PLBD2: variants seen among roughly 807,000 people sequenced by gnomAD.
The protein encoded by PLBD2 is putative aminopeptidase PLBD2.
Under a neutral mutation model 68.3 loss-of-function variants are expected in PLBD2, and 51 were observed. The observed-to-expected ratio is 0.75, with a 90% CI of 0.60 to 0.94. The LOEUF (loss-of-function observed/expected upper bound fraction) is 0.94. Ranked by LOEUF, PLBD2 falls within the 40% of genes least tolerant of loss-of-function variation. The probability of loss-of-function intolerance (pLI) is 0.00; values close to 1 mark genes in which losing one functional copy is unlikely to be tolerated. For synonymous variants in PLBD2, 314 were observed against 339.3 expected, an observed-to-expected ratio of 0.93 and a Z score of 0.82; for missense variants, 729 against 792.2, an observed-to-expected ratio of 0.92 and a Z score of 0.96.
In PLBD2 at chr12:113,358,727, C is replaced by G; in HGVS notation, c.127C>G (p.Pro43Ala). ...CCTGAGCGGCCTGGCGGGGGCGATC[C>G]CAGCGCCGGGGGGCCGCTGGGCGCG... ...PFLSGLAGAIPAPGGRWARDG... is the reference protein window; with the variant it reads ...PFLSGLAGAIAAPGGRWARDG... The change falls in exon 1 of 12, where the codon CCA becomes GCA. Residue 43 changes from proline (P) to alanine (A), a missense_variant. Pro to Ala is a conservative substitution (Grantham distance 27, BLOSUM62 -1). Transcript: ENST00000280800. The G allele has an allele frequency of 7.2e-7, 1 of 1,392,556 alleles. No individual in the cohort carries two copies. Among genetic ancestry groups the G allele is most frequent in the Non-Finnish European group, 9.3e-7 (1 of 1,079,700 alleles). The allele number at this position is 1,392,556 out of a possible 1,614,324, so 86.3% of individuals were successfully genotyped here.
chr12:113,363,692 C>A (rs968394559), intron 1 of PLBD2, among the ~76,000 whole-genome samples: 1 of 151,970 alleles, frequency 6.6e-6, no homozygotes, highest in African/African-American at 2.4e-5. Context: ...TGCCCGCCCC[C>A]ACGCCCGGCT....
intron 6 of PLBD2, among the ~76,000 whole-genome samples, chr12:113,381,848 G>T (rs1298758060): frequency 6.6e-6 from 1 of 151,830 alleles, no homozygotes; most frequent in Admixed American, 6.6e-5. Flanking sequence ...TAGAGATAGG[G>T]TCTCTCTCTG....
intron 5 of PLBD2, 100 bp downstream of exon 5, chr12:113,375,107 A>G: frequency 9.4e-7 from 1 of 1,058,994 alleles, no homozygotes. Context: ...CTCCCAACAC[A>G]CGGAGTCACT....
At position 113,367,747 on chromosome 12, in the gene PLBD2, T is replaced by C. The variant is rs1212632865; in HGVS notation, c.291-1369T>C. Among the ~76,000 whole-genome samples, 5 of 102,076 alleles carry C rather than the reference T, an allele frequency of 4.9e-5. No homozygotes were observed. In the Admixed American group the frequency reaches 5.2e-4, roughly 11 times the overall value. The allele number at this position is 102,076 out of a possible 152,430, so 67.0% of individuals were successfully genotyped here. A position where few individuals can be genotyped will look rare whatever the true frequency, so the allele number is the denominator to read the frequency against. ...GCCTGGGTGACAGCAAGATGCTGTC[T>C]CAAAAAAAAAAAAAAAAAGAAAAAA... is the stretch of plus-strand genomic sequence containing the variant. On this transcript the variant is annotated intron_variant, in intron 1 of 11. Coordinates refer to ENST00000280800, the MANE Select transcript of PLBD2 (RefSeq NM_173542.4).
At chr12:113,366,885 C>T (rs1424918446) in intron 1 of PLBD2, among the ~76,000 whole-genome samples, 2 of 151,674 alleles carry the variant, frequency 1.3e-5, no homozygotes, top group Admixed American at 1.3e-4. Flanking sequence ...GCAGTGGTGC[C>T]ATTTTGCTCA....
At chr12:113,369,505 CA>C (rs1298328855) in intron 2 of PLBD2, among the ~76,000 whole-genome samples, 3 of 152,072 alleles carry the variant, frequency 2.0e-5, no homozygotes, top group Non-Finnish European at 4.4e-5. Flanking sequence ...ACTAGCTTAA[CA>C]AAAGTAAGGG....
intron 2 of PLBD2, among the ~76,000 whole-genome samples, chr12:113,371,151 T>A (rs1329175880): frequency 6.6e-6 from 1 of 152,196 alleles, no homozygotes; most frequent in African/African-American, 2.4e-5. Context: ...GATGGAGGCA[T>A]GCATTGGGTC....
Position 113,384,312 on chromosome 12 carries a change from AC to A in PLBD2, c.1118+49del, listed in dbSNP as rs752520874. ...TGGCTTCCCCTGCACCAAGAGATAG[AC>A]CAACCTCCCCTTTAACACTCACACT... is the stretch of plus-strand genomic sequence containing the variant. On this transcript the variant is annotated intron_variant, in intron 7 of 11. Coordinates refer to ENST00000280800, the MANE Select transcript of PLBD2 (RefSeq NM_173542.4). This position sits in a 1 kb window ranked among gnomAD's most constrained non-coding sequence, Gnocchi z 4.2. 2.6e-6 allele frequency: 4 copies of A among 1,566,780 alleles called. No individual in the cohort carries two copies. In the East Asian group the frequency reaches 9.0e-5, roughly 35 times the overall value.
chr12:113,374,471 T>G lies in PLBD2; in HGVS notation c.544-3T>G. 1.3e-6 allele frequency: 2 copies of G among 1,522,280 alleles called. No individual in the cohort carries two copies. The highest frequency in any genetic ancestry group is 1.4e-5 in the African/African-American group (1 of 72,602). 94.3% of individuals were successfully genotyped at this position (1,522,280 alleles called of 1,614,324 possible). A position where few individuals can be genotyped will look rare whatever the true frequency, so the allele number is the denominator to read the frequency against. ...CTCCCTCTGCCCCCGCCCCCTCCCCTAGGTGCGGCTGACCCTCCTGCAGCT... is the reference window on the plus strand; with the variant it reads ...CTCCCTCTGCCCCCGCCCCCTCCCCGAGGTGCGGCTGACCCTCCTGCAGCT... On this transcript the variant is annotated splice_region_variant and splice_polypyrimidine_tract_variant and intron_variant, in intron 3 of 11. Coordinates refer to ENST00000280800, the MANE Select transcript of PLBD2 (RefSeq NM_173542.4).
At chr12:113,371,610 G>A (rs904559105) in intron 2 of PLBD2, among the ~76,000 whole-genome samples, 1 of 152,236 alleles carries the variant, frequency 6.6e-6, no homozygotes, top group East Asian at 1.9e-4. Context: ...GCCTGCTGGG[G>A]ACACTGAGGC....
At position 113,358,726 on chromosome 12, in the gene PLBD2, C is replaced by T. The variant is rs1957257054; in HGVS notation, c.126C>T (p.Ile42=). 2.2e-6 allele frequency: 3 copies of T among 1,392,286 alleles called. No homozygotes were observed. The highest frequency in any genetic ancestry group is 9.3e-7 in the Non-Finnish European group (1 of 1,079,564). The allele number at this position is 1,392,286 out of a possible 1,614,324, so 86.2% of individuals were successfully genotyped here. The change falls in exon 1 of 12, where the codon ATC becomes ATT. Residue 42 remains isoleucine (I), a synonymous_variant. Coordinates refer to ENST00000280800, the MANE Select transcript of PLBD2 (RefSeq NM_173542.4). The part of the protein sequence containing the change: ...GPFLSGLAGA[I]PAPGGRWARD... ...TCCTGAGCGGCCTGGCGGGGGCGAT[C>T]CCAGCGCCGGGGGGCCGCTGGGCGC...
chr12:113,363,630 C>T (rs191098706), intron 1 of PLBD2, among the ~76,000 whole-genome samples: 5 of 151,558 alleles, frequency 3.3e-5, no homozygotes, highest in African/African-American at 4.8e-5. Context: ...CTCCGCCTCC[C>T]GGGTTCACGC....
rs1565862865 is a variant in PLBD2 at position 113,380,142 on chromosome 12, TA to T, written c.860-602del. Among the ~76,000 whole-genome samples the T allele has an allele frequency of 7.2e-3, 1,103 of 152,276 alleles. 11 individuals are homozygous for T. Among genetic ancestry groups the T allele is most frequent in the African/African-American group, 0.025 (1,038 of 41,542 alleles). On this transcript the variant is annotated intron_variant, in intron 5 of 11. Coordinates refer to ENST00000280800, the MANE Select transcript of PLBD2 (RefSeq NM_173542.4). ...GTGTTATTTCTTTTATTTATTTATT[TA>T]TTTATTTTTTTTAGATGGAGTCTCA...
chr12:113,376,054 A>G (rs888786413), intron 5 of PLBD2, among the ~76,000 whole-genome samples: 2 of 151,546 alleles, frequency 1.3e-5, no homozygotes, highest in African/African-American at 4.9e-5. Context: ...GGGTTTTCCC[A>G]TATTGGCCAG....
Position 113,390,196 on chromosome 12 carries a change from A to G in PLBD2, c.*1570A>G, listed in dbSNP as rs1957596535. The G allele has an allele frequency of 6.6e-6, 1 of 150,400 alleles. No individual in the cohort carries two copies. Among genetic ancestry groups the G allele is most frequent in the African/African-American group, 2.5e-5 (1 of 40,778 alleles). The allele number at this position is 150,400 out of a possible 1,614,324, so 9.3% of individuals were successfully genotyped here. A position where few individuals can be genotyped will look rare whatever the true frequency, so the allele number is the denominator to read the frequency against. On this transcript the variant is annotated 3_prime_UTR_variant, in exon 12 of 12. Coordinates refer to ENST00000280800, the MANE Select transcript of PLBD2 (RefSeq NM_173542.4). ...CACCCATTTATCTACCCACCCATTC[A>G]TCCACCCACCCATCCAACTACCTAT...
Position 113,388,492 on chromosome 12 carries a change from C to T in PLBD2, c.1636C>T (p.Leu546=). The T allele has an allele frequency of 6.2e-7, 1 of 1,604,330 alleles. No homozygotes were observed. The highest frequency in any genetic ancestry group is 1.3e-5 in the African/African-American group (1 of 74,852). The change falls in exon 12 of 12, where the codon CTG becomes TTG. Residue 546 remains leucine (L), a synonymous_variant. Transcript: ENST00000280800. ...CATGTCACTGGCCAGGATCCTGAGCCTGCTGGCGGCCAGCGGTCCCACGTG... is the reference window on the plus strand; with the variant it reads ...CATGTCACTGGCCAGGATCCTGAGCTTGCTGGCGGCCAGCGGTCCCACGTG... ...TSMSLARILS[L]LAASGPTWDQ...
intron 1 of PLBD2, among the ~76,000 whole-genome samples, chr12:113,366,361 T>C (rs1410222218): frequency 2.7e-5 from 4 of 147,068 alleles, no homozygotes; most frequent in African/African-American, 9.7e-5. Flanking sequence ...TTTGTGTCCT[T>C]GGAGCAAAAA....
At position 113,384,696 on chromosome 12, in the gene PLBD2, C is replaced by A. The variant is rs537767325; in HGVS notation, c.1119-155C>A. Among the ~76,000 whole-genome samples the A allele has an allele frequency of 6.6e-6, 1 of 152,256 alleles. No individual in the cohort carries two copies. Among genetic ancestry groups the A allele is most frequent in the East Asian group, 1.9e-4 (1 of 5,180 alleles). On this transcript the variant is annotated intron_variant, in intron 7 of 11. Transcript: ENST00000280800. The surrounding 1 kb of genome is among the most constrained non-coding windows in gnomAD (Gnocchi z 4.2). ...ATGACGAGAGAGGGGTTTGTGGATA[C>A]CTGGTCATGCTGCAGCGTCAGGGTG...
At position 113,387,008 on chromosome 12, in the gene PLBD2, A is replaced by T. The variant is rs751374053; in HGVS notation, c.1358A>T (p.Tyr453Phe). The change falls in exon 10 of 12, where the codon TAT becomes TTT. Residue 453 changes from tyrosine to phenylalanine, a missense_variant. Transcript: ENST00000280800. ...GCCCAGTATGGGGACTGGTTTTCTTATGACGGGAGCCCCCGGGCCCAGATC... is the reference window on the plus strand; with the variant it reads ...GCCCAGTATGGGGACTGGTTTTCTTTTGACGGGAGCCCCCGGGCCCAGATC... ...LVAQYGDWFS[Y>F]DGSPRAQIFR... 1 of 1,612,458 alleles carries T rather than the reference A, an allele frequency of 6.2e-7. No homozygotes were observed. Among genetic ancestry groups the T allele is most frequent in the South Asian group, 1.1e-5 (1 of 90,600 alleles).
Sources: gnomAD v4.1 joint callset for allele counts (sites outside exome capture counted in the v4.1 genomes callset) on GRCh38, gnomAD v4.1.1 for gene constraint, Gnocchi (gnomAD v3.1) non-coding constraint, MANE v1.5 for transcripts, NCBI Gene and HGNC (gene_info 2026-07-23, HGNC 2026-07-21) for gene names.